The following RANBP2 variants were observed in gnomAD, a reference collection of about 807,000 sequenced individuals.
RANBP2 encodes E3 SUMO-protein ligase RanBP2.
In RANBP2, 57 loss-of-function variants were observed where a neutral mutation model predicts 303.6. That is an observed-to-expected ratio of 0.19 (90% CI 0.15 to 0.23). RANBP2 has a LOEUF of 0.23. RANBP2 is among the 10% of genes least tolerant of loss of function. RANBP2 has a pLI of 1.00. For synonymous variants in RANBP2, 1,167 were observed against 1,301.5 expected, an observed-to-expected ratio of 0.90 and a Z score of 2.23; for missense variants, 3,138 against 3,780.8, an observed-to-expected ratio of 0.83 and a Z score of 4.46.
At chr2:109,544,400 T>A in the RANBP2 span, 119 of 1,523,948 alleles carry the variant, frequency 7.8e-5, no homozygotes, top group Non-Finnish European at 7.1e-5. Flanking sequence ...ATGCATCTAG[T>A]ATATTATAGG....
At chr2:108,819,940 CAA>C in the RANBP2 span, among the ~76,000 whole-genome samples, 1 of 152,062 alleles carries the variant, frequency 6.6e-6, no homozygotes, top group Non-Finnish European at 1.5e-5. Flanking sequence ...AAAAACTAAG[CAA>C]AGTCAGGAAA....
the RANBP2 span, among the ~76,000 whole-genome samples, chr2:109,484,395 C>T: frequency 2.0e-5 from 3 of 152,124 alleles, no homozygotes; most frequent in African/African-American, 4.8e-5. Context: ...CCTCACCAGG[C>T]ACCTCGACCC....
At chr2:108,995,374 A>C in the RANBP2 span, among the ~76,000 whole-genome samples, 1 of 152,234 alleles carries the variant, frequency 6.6e-6, no homozygotes, top group Non-Finnish European at 1.5e-5. Context: ...TCTGTAAGGC[A>C]GAGGAACGAT....
the RANBP2 span, among the ~76,000 whole-genome samples, chr2:108,800,109 T>A: frequency 1.3e-5 from 2 of 152,202 alleles, no homozygotes; most frequent in Non-Finnish European, 2.9e-5. Context: ...TTCTTGAGGC[T>A]TAGTCACATT....
the RANBP2 span, among the ~76,000 whole-genome samples, chr2:108,898,241 C>T: frequency 1.2e-4 from 19 of 152,166 alleles, no homozygotes; most frequent in Non-Finnish European, 2.5e-4. Flanking sequence ...CAGGTGGTGT[C>T]AGGAAAGGCC....
At chr2:109,692,650 C>T in the RANBP2 span, among the ~76,000 whole-genome samples, 1 of 152,080 alleles carries the variant, frequency 6.6e-6, no homozygotes, top group Non-Finnish European at 1.5e-5. Context: ...CACTGCGGCC[C>T]GGTGCCATTT....
chr2:108,958,622 C>G, the RANBP2 span, among the ~76,000 whole-genome samples: 2 of 152,164 alleles, frequency 1.3e-5, no homozygotes, highest in Non-Finnish European at 2.9e-5. Flanking sequence ...AGCTAGCTCC[C>G]TTAGCAATGG....
At chr2:109,132,455 C>G in the RANBP2 span, among the ~76,000 whole-genome samples, 2 of 152,166 alleles carry the variant, frequency 1.3e-5, no homozygotes, top group Non-Finnish European at 2.9e-5. Flanking sequence ...TACTTGGAGT[C>G]CCCTGACGTG....
At chr2:109,444,994 T>C in the RANBP2 span, among the ~76,000 whole-genome samples, 6 of 152,086 alleles carry the variant, frequency 3.9e-5, no homozygotes, top group Non-Finnish European at 5.9e-5. Context: ...CAGAAACAAC[T>C]GGATATGAAA....
chr2:109,681,330 G>A, the RANBP2 span, among the ~76,000 whole-genome samples: 1 of 152,216 alleles, frequency 6.6e-6, no homozygotes, highest in African/African-American at 2.4e-5. Flanking sequence ...GCAATGTGCT[G>A]CTTATACGCA....
chr2:109,126,663 G>A, the RANBP2 span, among the ~76,000 whole-genome samples: 1 of 152,188 alleles, frequency 6.6e-6, no homozygotes, highest in East Asian at 1.9e-4. Context: ...GAAAGTGAAG[G>A]GTTGAGTCAT....
chr2:109,577,698 A>C, the RANBP2 span, among the ~76,000 whole-genome samples: 6 of 152,072 alleles, frequency 3.9e-5, no homozygotes, highest in Non-Finnish European at 7.4e-5. Flanking sequence ...AGATCGCTTG[A>C]GGCCAGGAGT....
chr2:108,820,216 T>G, the RANBP2 span, among the ~76,000 whole-genome samples: 1 of 152,158 alleles, frequency 6.6e-6, no homozygotes, highest in African/African-American at 2.4e-5. Flanking sequence ...AAGACCAGCC[T>G]GGTCAACATG....
At chr2:108,972,965 G>A in the RANBP2 span, among the ~76,000 whole-genome samples, 3 of 152,044 alleles carry the variant, frequency 2.0e-5, no homozygotes, top group Non-Finnish European at 4.4e-5. Flanking sequence ...CTCAGCAGGT[G>A]TTTATTTTTT....
At chr2:109,354,042 G>C in the RANBP2 span, among the ~76,000 whole-genome samples, 1 of 152,268 alleles carries the variant, frequency 6.6e-6, no homozygotes, top group Non-Finnish European at 1.5e-5. Flanking sequence ...AGGTGGGGGA[G>C]CTGATGGTGG....
chr2:109,466,328 G>A, the RANBP2 span, among the ~76,000 whole-genome samples: 3 of 152,030 alleles, frequency 2.0e-5, no homozygotes, highest in Non-Finnish European at 2.9e-5. Flanking sequence ...TGACCTGCCC[G>A]CCTCGGCCTC....
At chr2:109,242,833 G>A in the RANBP2 span, among the ~76,000 whole-genome samples, 1 of 152,166 alleles carries the variant, frequency 6.6e-6, no homozygotes. Context: ...CCCAAATAGA[G>A]CAATAGGGCC....
At chr2:108,970,505 C>T in the RANBP2 span, among the ~76,000 whole-genome samples, 121 of 152,134 alleles carry the variant, frequency 8.0e-4, 2 homozygotes, top group East Asian at 0.014. Context: ...TGGAGATGGT[C>T]TGGGAGCTGG....
chr2:108,822,268 A>G, the RANBP2 span, among the ~76,000 whole-genome samples: 3,189 of 152,320 alleles, frequency 0.021, 105 homozygotes, highest in African/African-American at 0.073. Context: ...TAAATGAGAA[A>G]TATTTATGCC....
Sources: allele counts gnomAD v4.1 joint callset (sites outside exome capture counted in the v4.1 genomes callset), GRCh38; gene constraint gnomAD v4.1.1; transcripts MANE v1.5; gene names NCBI Gene and HGNC (gene_info 2026-07-23, HGNC 2026-07-21).